Variants in MARCHF1 observed in about 807,000 individuals in gnomAD.
MARCHF1 encodes the protein E3 ubiquitin-protein ligase MARCHF1.
A neutral mutation model predicts 54.2 loss-of-function variants in MARCHF1; 40 were observed. The observed-to-expected ratio is 0.74, with a 90% CI of 0.57 to 0.96. The LOEUF is 0.96. Ranked by LOEUF, MARCHF1 falls within the 40% of genes least tolerant of loss-of-function variation. The probability of loss-of-function intolerance (pLI) is 0.00; values close to 1 mark genes in which losing one functional copy is unlikely to be tolerated. For missense variants in MARCHF1, 586 were observed against 656.5 expected, an observed-to-expected ratio of 0.89 and a Z score of 1.17; for synonymous variants, 236 against 236.3, an observed-to-expected ratio of 1.00 and a Z score of 0.01.
At chr4:164,368,434 G>A (rs1032053486) in intron 1 of MARCHF1, among the ~76,000 whole-genome samples, 5 of 151,896 alleles carry the variant, frequency 3.3e-5, no homozygotes, top group Admixed American at 6.6e-5. Context: ...AGGTTTTATA[G>A]GGAAGTTTTG....
chr4:164,127,329 T>C (rs1756205994), intron 1 of MARCHF1, among the ~76,000 whole-genome samples: 1 of 152,298 alleles, frequency 6.6e-6, no homozygotes, highest in South Asian at 2.1e-4. Flanking sequence ...GAGTTTTTTA[T>C]TAAAAGAGAA....
chr4:163,610,678 T>C lies in MARCHF1; in HGVS notation c.1010+1593A>G, dbSNP rs530789586. On this transcript the variant is annotated intron_variant, in intron 7 of 9. Transcript: ENST00000514618. The stretch of plus-strand genomic sequence containing the variant: ...ACTTTTCAGCAAACATACATATAGA[T>C]CATAATTAAAAGATTATAAGAAATT... Among the ~76,000 whole-genome samples, 3 of 152,144 alleles carry C rather than the reference T, an allele frequency of 2.0e-5. No homozygotes were observed. The South Asian group carries it at 6.2e-4, about 32-fold the overall frequency.
At chr4:163,705,599 T>A (rs1744927192) in intron 4 of MARCHF1, among the ~76,000 whole-genome samples, 1 of 151,944 alleles carries the variant, frequency 6.6e-6, no homozygotes. Context: ...ATAACTAAAT[T>A]CTGGAAAGAT....
chr4:164,103,649 C>T (rs6853931), intron 2 of MARCHF1, among the ~76,000 whole-genome samples: 41 of 29,938 alleles, frequency 1.4e-3, no homozygotes, highest in African/African-American at 5.4e-3. Context: ...ACTAAATGCC[C>T]ACAAGAGAAA....
chr4:163,772,958 A>G (rs913236635), intron 4 of MARCHF1, among the ~76,000 whole-genome samples: 2 of 152,220 alleles, frequency 1.3e-5, no homozygotes, highest in Non-Finnish European at 2.9e-5. Context: ...TGGCAAATTT[A>G]TAAATCTGGC....
intron 9 of MARCHF1, among the ~76,000 whole-genome samples, chr4:163,540,509 C>A (rs569739445): frequency 6.6e-6 from 1 of 152,060 alleles, no homozygotes; most frequent in Non-Finnish European, 1.5e-5. Flanking sequence ...TATTTATAAC[C>A]TTTTTCTTAA....
chr4:164,038,355 G>A (rs549350769), intron 2 of MARCHF1, among the ~76,000 whole-genome samples: 7 of 152,198 alleles, frequency 4.6e-5, no homozygotes, highest in Admixed American at 2.6e-4. Context: ...TTATCCAGGC[G>A]TGGTGGCGGC....
At chr4:163,884,464 C>T (rs1750485826) in intron 3 of MARCHF1, among the ~76,000 whole-genome samples, 1 of 152,036 alleles carries the variant, frequency 6.6e-6, no homozygotes, top group South Asian at 2.1e-4. Context: ...TGTCCCCAGC[C>T]TCTCTTACCT....
intron 1 of MARCHF1, chr4:164,197,148 C>T (rs1731289913): frequency 6.2e-7 from 1 of 1,603,436 alleles, no homozygotes; most frequent in Non-Finnish European, 8.5e-7. Flanking sequence ...CCTCCTCCTC[C>T]TCGCCCTCCT....
At chr4:164,023,022 G>C (rs1375725681) in intron 2 of MARCHF1, among the ~76,000 whole-genome samples, 1 of 152,144 alleles carries the variant, frequency 6.6e-6, no homozygotes, top group Non-Finnish European at 1.5e-5. Context: ...AGCACCCCAG[G>C]GTTGCAGCAT....
intron 4 of MARCHF1, among the ~76,000 whole-genome samples, chr4:163,726,349 T>G (rs1439579144): frequency 6.6e-6 from 1 of 152,244 alleles, no homozygotes; most frequent in Non-Finnish European, 1.5e-5. Context: ...TAGAATGTCA[T>G]ATAATTGAAA....
intron 1 of MARCHF1, among the ~76,000 whole-genome samples, chr4:164,186,773 A>G (rs972932626): frequency 2.6e-5 from 4 of 152,306 alleles, no homozygotes; most frequent in East Asian, 1.9e-4. Flanking sequence ...TTAATTAGCT[A>G]GATATTATCA....
chr4:164,017,584 A>G (rs942435110), intron 2 of MARCHF1, among the ~76,000 whole-genome samples: 6 of 152,012 alleles, frequency 3.9e-5, no homozygotes, highest in African/African-American at 1.4e-4. Flanking sequence ...TAAACCAAGA[A>G]TACTTAAAGA....
At chr4:164,379,696 C>A (rs1260936188) in intron 1 of MARCHF1, among the ~76,000 whole-genome samples, 1 of 152,020 alleles carries the variant, frequency 6.6e-6, no homozygotes. Flanking sequence ...AAAAGAATAA[C>A]AAATGTTGGC....
chr4:163,928,720 A>AG (rs1220939092), intron 3 of MARCHF1, among the ~76,000 whole-genome samples: 4 of 152,064 alleles, frequency 2.6e-5, no homozygotes, highest in Non-Finnish European at 5.9e-5. Context: ...AATATAAAAA[A>AG]GTAATTTGTA....
intron 4 of MARCHF1, among the ~76,000 whole-genome samples, chr4:163,733,207 A>ATGTGTATATATATACACATG (rs1745914442): frequency 5.2e-5 from 1 of 19,206 alleles, no homozygotes; most frequent in Non-Finnish European, 1.9e-4. Context: ...ATATATATAT[A>ATGTGTATATATATACACATG]TATATATATA....
rs1034303496 is a variant in MARCHF1, at chr4:164,188,309, G to T, written c.-322-76647C>A. On this transcript the variant is annotated intron_variant, in intron 1 of 9. Coordinates refer to ENST00000514618, the MANE Select transcript of MARCHF1 (RefSeq NM_001394959.1). ...GCAATTGTGAGAGGCGGGTAACCGCGCTGCGCTCCTGTGCTGCGGCCGGTG... is the reference window on the plus strand; with the variant it reads ...GCAATTGTGAGAGGCGGGTAACCGCTCTGCGCTCCTGTGCTGCGGCCGGTG... 8.8e-6 allele frequency: 3 copies of T among 339,930 alleles called. No homozygotes were observed. In the East Asian group the frequency reaches 1.9e-4, roughly 22 times the overall value. 21.1% of individuals were successfully genotyped at this position (339,930 alleles called of 1,614,324 possible). A position where few individuals can be genotyped will look rare whatever the true frequency, so the allele number is the denominator to read the frequency against.
intron 1 of MARCHF1, among the ~76,000 whole-genome samples, chr4:164,114,397 G>A (rs560014265): frequency 6.6e-6 from 1 of 151,796 alleles, no homozygotes; most frequent in East Asian, 1.9e-4. Context: ...GATGCTTCCA[G>A]TATGATATGA....
intron 3 of MARCHF1, among the ~76,000 whole-genome samples, chr4:163,877,554 A>G (rs1244830857): frequency 6.6e-6 from 1 of 151,428 alleles, no homozygotes; most frequent in Admixed American, 6.6e-5. Context: ...ATACTCTCAA[A>G]TTTTATCACC....
Sources: gnomAD v4.1 joint callset for allele counts (sites outside exome capture counted in the v4.1 genomes callset) on GRCh38, gnomAD v4.1.1 for gene constraint, MANE v1.5 for transcripts, NCBI Gene and HGNC (gene_info 2026-07-23, HGNC 2026-07-21) for gene names.